The following DIP2B variants were observed in gnomAD, a reference collection of about 807,000 sequenced individuals.
DIP2B encodes the protein disco-interacting protein 2 homolog B.
A neutral mutation model predicts 198.0 loss-of-function variants in DIP2B; 76 were observed. The observed-to-expected ratio is 0.38, with a 90% CI of 0.32 to 0.46. The LOEUF (loss-of-function observed/expected upper bound fraction) is 0.46, where lower values mean the gene tolerates loss of function less well. DIP2B is among the 20% of genes least tolerant of loss of function. DIP2B has a pLI of 0.99. For synonymous variants in DIP2B, 701 were observed against 739.1 expected (o/e 0.95, Z 0.84); for missense variants, 1,559 against 1,978.4 (o/e 0.79, Z 4.02).
chr12:50,597,366 A>G (rs1252297402), intron 1 of DIP2B, among the ~76,000 whole-genome samples: 1 of 152,256 alleles, frequency 6.6e-6, no homozygotes, highest in African/African-American at 2.4e-5. Flanking sequence ...TCAGTATCAT[A>G]GTACTTCATC....
intron 3 of DIP2B, among the ~76,000 whole-genome samples, chr12:50,641,432 A>T (rs1050515485): frequency 1.3e-5 from 2 of 152,178 alleles, no homozygotes; most frequent in African/African-American, 4.8e-5. Flanking sequence ...ACAAGCACAA[A>T]GGCCATGTGA....
chr12:50,694,546 T>TACATACAC (rs1555193337), intron 14 of DIP2B, among the ~76,000 whole-genome samples: 5 of 95,160 alleles, frequency 5.3e-5, no homozygotes, highest in African/African-American at 1.6e-4. Flanking sequence ...CATACATACA[T>TACATACAC]ACATACATAC....
chr12:50,660,645 G>C (rs1396652098), intron 4 of DIP2B, among the ~76,000 whole-genome samples: 3 of 151,562 alleles, frequency 2.0e-5, no homozygotes, highest in Admixed American at 2.0e-4. Context: ...GTGTTAAATA[G>C]CCACTTTCAT....
At chr12:50,513,255 C>A (rs1958034155) in intron 1 of DIP2B, among the ~76,000 whole-genome samples, 1 of 152,088 alleles carries the variant, frequency 6.6e-6, no homozygotes, top group African/African-American at 2.4e-5. Context: ...GAAAGTAAGC[C>A]TTCACTCCAT....
At chr12:50,578,348 T>G (rs1013809514) in intron 1 of DIP2B, among the ~76,000 whole-genome samples, 1 of 138,320 alleles carries the variant, frequency 7.2e-6, no homozygotes, top group Non-Finnish European at 1.6e-5. Flanking sequence ...GTACATCTTT[T>G]TTTTGTTTGT....
intron 24 of DIP2B, 55 bp from the exon 25 acceptor site, chr12:50,718,900 T>C: frequency 1.2e-6 from 2 of 1,612,820 alleles, no homozygotes; most frequent in Non-Finnish European, 1.7e-6. Flanking sequence ...GGATGCATTA[T>C]ATGACTTGTT....
At chr12:50,598,955 TAGA>T (rs1390905224) in intron 1 of DIP2B, among the ~76,000 whole-genome samples, 6 of 85,314 alleles carry the variant, frequency 7.0e-5, no homozygotes, top group South Asian at 5.4e-4. Flanking sequence ...GGTAGATTCC[TAGA>T]AGAAGTATTG....
chr12:50,668,791 T>C (rs1488010851), intron 4 of DIP2B, among the ~76,000 whole-genome samples: 1 of 152,186 alleles, frequency 6.6e-6, no homozygotes, highest in Non-Finnish European at 1.5e-5. Flanking sequence ...CTATCCCAAC[T>C]TCCTCTCTGT....
chr12:50,741,443 G>C lies in DIP2B; in HGVS notation c.4382G>C (p.Gly1461Ala). 6.2e-7 allele frequency: 1 copy of C among 1,614,062 alleles called. No homozygotes were observed. Among genetic ancestry groups the C allele is most frequent in the East Asian group, 2.2e-5 (1 of 44,880 alleles). The change falls in exon 37 of 38, where the codon GGA becomes GCA. Residue 1461 changes from glycine to alanine, a missense_variant. Transcript: ENST00000301180. ...CGTCATGATGCATTGTATGTGGTGG[G>C]AGCGCTGGATGAAACACTGGAGCTG... ...GERHDALYVVGALDETLELRG... is the reference protein window; with the variant it reads ...GERHDALYVVAALDETLELRG...
chr12:50,529,213 C>T (rs1347435190), intron 1 of DIP2B, among the ~76,000 whole-genome samples: 1 of 152,130 alleles, frequency 6.6e-6, no homozygotes. Flanking sequence ...GATACCTGAA[C>T]TCAGGGAGAT....
At chr12:50,546,850 A>C (rs1958382181) in intron 1 of DIP2B, among the ~76,000 whole-genome samples, 1 of 152,220 alleles carries the variant, frequency 6.6e-6, no homozygotes, top group Admixed American at 6.5e-5. Flanking sequence ...GTAAAGAAAG[A>C]AAAATAAATG....
At chr12:50,561,686 C>T (rs1958520396) in intron 1 of DIP2B, among the ~76,000 whole-genome samples, 1 of 152,318 alleles carries the variant, frequency 6.6e-6, no homozygotes, top group South Asian at 2.1e-4. Flanking sequence ...CTGCTTACTG[C>T]AACCTCTGCC....
chr12:50,602,974 C>A (rs761651304), intron 1 of DIP2B, among the ~76,000 whole-genome samples: 1 of 151,172 alleles, frequency 6.6e-6, no homozygotes, highest in Non-Finnish European at 1.5e-5. Context: ...ACCATCCTGG[C>A]ATACACGGTG....
chr12:50,605,302 C>T (rs1190623579), intron 1 of DIP2B, among the ~76,000 whole-genome samples: 1 of 152,126 alleles, frequency 6.6e-6, no homozygotes, highest in East Asian at 1.9e-4. Flanking sequence ...GAAACCTCAG[C>T]CAGGTAAGGT....
At position 50,537,114 on chromosome 12, in the gene DIP2B, A is replaced by ATTTTTTTTTTTTTTTTTTT. The variant is rs34202995; in HGVS notation, c.100+31883_100+31901dup. On this transcript the variant is annotated intron_variant, in intron 1 of 37. Coordinates refer to ENST00000301180, the MANE Select transcript of DIP2B (RefSeq NM_173602.3). ...CAGATTGCTTGTTTATTATTCTCTA[A>ATTTTTTTTTTTTTTTTTTT]TTTTTTTTTTTTTTTTTTTTTTTTT... 2.3e-3 allele frequency among the ~76,000 whole-genome samples: 73 copies of ATTTTTTTTTTTTTTTTTTT among 32,226 alleles called. 18 individuals carry two copies. The highest frequency in any genetic ancestry group is 0.013 in the East Asian group (6 of 468). 21.1% of individuals were successfully genotyped at this position (32,226 alleles called of 152,430 possible).
intron 1 of DIP2B, among the ~76,000 whole-genome samples, chr12:50,532,680 A>C (rs1307628332): frequency 6.6e-6 from 1 of 152,182 alleles, no homozygotes; most frequent in Non-Finnish European, 1.5e-5. Context: ...GTGCCAGAGA[A>C]GATGAGTAAG....
At chr12:50,559,692 A>G (rs1309255946) in intron 1 of DIP2B, among the ~76,000 whole-genome samples, 1 of 145,374 alleles carries the variant, frequency 6.9e-6, no homozygotes, top group Non-Finnish European at 1.5e-5. Flanking sequence ...ACTGCACTGT[A>G]GCCTCAGTGA....
At chr12:50,733,009 G>A (rs11169537) in intron 32 of DIP2B, among the ~76,000 whole-genome samples, 37,806 of 151,758 alleles carry the variant, frequency 0.25, 5,495 homozygotes, top group East Asian at 0.41. Flanking sequence ...GGGTTCAAGC[G>A]GTTCTCTCAC....
chr12:50,601,174 T>G (rs1958932706), intron 1 of DIP2B, among the ~76,000 whole-genome samples: 1 of 152,202 alleles, frequency 6.6e-6, no homozygotes, highest in African/African-American at 2.4e-5. Context: ...ACATCCCAAG[T>G]GCCTAGACCA....
Sources: allele counts gnomAD v4.1 joint callset (sites outside exome capture counted in the v4.1 genomes callset), GRCh38; gene constraint gnomAD v4.1.1; transcripts MANE v1.5; gene names NCBI Gene and HGNC (gene_info 2026-07-23, HGNC 2026-07-21).